IGF2BP2: variants seen among roughly 807,000 people sequenced by gnomAD.
IGF2BP2 encodes the protein insulin like growth factor 2 mRNA binding protein 2.
IGF2BP2 carries 17 observed loss-of-function variants against 75.8 expected under a neutral mutation model. The ratio of observed to expected loss-of-function variants is 0.22; its 90% CI spans 0.15 to 0.34. IGF2BP2 has a LOEUF of 0.34. Among genes scored for constraint, IGF2BP2 ranks in the 10% least tolerant of loss-of-function variants. IGF2BP2 has a pLI of 1.00. For missense variants in IGF2BP2, 516 were observed against 772.4 expected (o/e 0.67, Z 3.93); for synonymous variants, 288 against 295.6 (o/e 0.97, Z 0.26).
chr3:185,740,860 A>G (rs1320703830), intron 2 of IGF2BP2, among the ~76,000 whole-genome samples: 3 of 152,060 alleles, frequency 2.0e-5, no homozygotes, highest in East Asian at 1.9e-4. Context: ...ATGTTTGCAT[A>G]TTTTCTTTTT....
chr3:185,656,571 C>T (rs1450016389), intron 12 of IGF2BP2, among the ~76,000 whole-genome samples: 1 of 152,218 alleles, frequency 6.6e-6, no homozygotes, highest in Non-Finnish European at 1.5e-5. Context: ...ACAACAAAAA[C>T]TCTGTTTCCG....
At chr3:185,653,899 G>C (rs982233875) in intron 12 of IGF2BP2, among the ~76,000 whole-genome samples, 9 of 152,184 alleles carry the variant, frequency 5.9e-5, no homozygotes, top group Non-Finnish European at 1.2e-4. Context: ...CCTCGGTGTT[G>C]CATTTGTGCA....
intron 12 of IGF2BP2, among the ~76,000 whole-genome samples, chr3:185,654,784 A>G (rs1715163135): frequency 6.6e-6 from 1 of 152,210 alleles, no homozygotes; most frequent in African/African-American, 2.4e-5. Flanking sequence ...ATTAGGTGTC[A>G]CTGGCTGAAT....
At chr3:185,653,295 A>C (rs1420713860) in intron 12 of IGF2BP2, among the ~76,000 whole-genome samples, 3 of 152,186 alleles carry the variant, frequency 2.0e-5, no homozygotes, top group Non-Finnish European at 2.9e-5. Flanking sequence ...AAAACTTATT[A>C]ACACATTGTA....
At chr3:185,659,472 T>G (rs1238785144) in intron 10 of IGF2BP2, among the ~76,000 whole-genome samples, 3 of 151,444 alleles carry the variant, frequency 2.0e-5, no homozygotes, top group Non-Finnish European at 4.4e-5. Flanking sequence ...CCCCGCAGGT[T>G]CAAGCGATTC....
chr3:185,799,906 G>C (rs1737976097), intron 2 of IGF2BP2, among the ~76,000 whole-genome samples: 1 of 152,220 alleles, frequency 6.6e-6, no homozygotes, highest in Admixed American at 6.5e-5. Flanking sequence ...AATGCCATTT[G>C]ACCCAGCAAT....
chr3:185,722,388 G>T (rs576596776), intron 2 of IGF2BP2: 8 of 393,044 alleles, frequency 2.0e-5, no homozygotes, highest in African/African-American at 8.5e-5. Context: ...AACAAGAACT[G>T]AATCACGCTT....
At chr3:185,753,455 C>A (rs1393961317) in intron 2 of IGF2BP2, among the ~76,000 whole-genome samples, 1 of 152,058 alleles carries the variant, frequency 6.6e-6, no homozygotes, top group Non-Finnish European at 1.5e-5. Flanking sequence ...ACTCATATAT[C>A]CCTGTGAAAT....
At chr3:185,820,686 A>G (rs1014312657) in intron 2 of IGF2BP2, among the ~76,000 whole-genome samples, 1 of 152,164 alleles carries the variant, frequency 6.6e-6, no homozygotes, top group Non-Finnish European at 1.5e-5. Flanking sequence ...ATTTCATAAG[A>G]TAAAAACATC....
At chr3:185,685,181 C>G (rs1306704199) in intron 7 of IGF2BP2, among the ~76,000 whole-genome samples, 1 of 152,068 alleles carries the variant, frequency 6.6e-6, no homozygotes, top group Admixed American at 6.6e-5. Context: ...AACCCTGTCT[C>G]TACTAAAATT....
chr3:185,644,402 T>C lies in IGF2BP2; in HGVS notation c.*1129A>G, dbSNP rs1332860742. ...CAAAAAGACAAAATACATTCTTTCA[T>C]TGTGGAATTTTTTCTTTGTTTGGTT... On this transcript the variant is annotated 3_prime_UTR_variant, in exon 16 of 16. Coordinates refer to ENST00000382199, the MANE Select transcript of IGF2BP2 (RefSeq NM_006548.6). The C allele has an allele frequency of 1.3e-5, 2 of 152,466 alleles. No individual in the cohort carries two copies. The highest frequency in any genetic ancestry group is 2.4e-5 in the African/African-American group (1 of 41,410). The allele number at this position is 152,466 out of a possible 1,614,324, so 9.4% of individuals were successfully genotyped here. A position where few individuals can be genotyped will look rare whatever the true frequency, so the allele number is the denominator to read the frequency against.
chr3:185,676,332 G>A (rs1577924939), intron 7 of IGF2BP2, among the ~76,000 whole-genome samples: 1 of 152,244 alleles, frequency 6.6e-6, no homozygotes, highest in African/African-American at 2.4e-5. Context: ...ACCTCTGTGA[G>A]AACTCTAAAG....
chr3:185,783,253 C>T (rs542080603), intron 2 of IGF2BP2, among the ~76,000 whole-genome samples: 1 of 152,302 alleles, frequency 6.6e-6, no homozygotes, highest in African/African-American at 2.4e-5. Context: ...AACATCTGGA[C>T]TCTTACTGAA....
chr3:185,814,781 G>A lies in IGF2BP2; in HGVS notation c.239+8372C>T, dbSNP rs573604261. ...TACTAAACCAAAAAAGTAACAAAATGCATGAGATAAAAGTAACAAATGCAT... is the reference window on the plus strand; with the variant it reads ...TACTAAACCAAAAAAGTAACAAAATACATGAGATAAAAGTAACAAATGCAT... On this transcript the variant is annotated intron_variant, in intron 2 of 15. Coordinates refer to ENST00000382199, the MANE Select transcript of IGF2BP2 (RefSeq NM_006548.6). 1.1e-4 allele frequency among the ~76,000 whole-genome samples: 16 copies of A among 152,174 alleles called. 1 individual carries two copies. The South Asian group carries it at 3.3e-3, about 32-fold the overall frequency.
chr3:185,768,336 G>A (rs1042792610), intron 2 of IGF2BP2, among the ~76,000 whole-genome samples: 11 of 152,244 alleles, frequency 7.2e-5, no homozygotes, highest in Middle Eastern at 3.4e-3. Flanking sequence ...TGGGCGACAT[G>A]AGTATGTAGT....
chr3:185,665,278 GAGAAGA>G (rs1336031963), intron 10 of IGF2BP2, among the ~76,000 whole-genome samples: 1 of 123,382 alleles, frequency 8.1e-6, no homozygotes, highest in African/African-American at 3.1e-5. Context: ...GGAGGAGAAG[GAGAAGA>G]AGAAGAAGGA....
At chr3:185,733,228 A>C (rs928306680) in intron 2 of IGF2BP2, among the ~76,000 whole-genome samples, 3 of 152,346 alleles carry the variant, frequency 2.0e-5, no homozygotes, top group African/African-American at 4.8e-5. Context: ...GAAAATGTAA[A>C]GTGATTGATA....
intron 2 of IGF2BP2, among the ~76,000 whole-genome samples, chr3:185,821,853 A>G (rs2150070008): frequency 6.6e-6 from 1 of 152,276 alleles, no homozygotes; most frequent in Non-Finnish European, 1.5e-5. Flanking sequence ...GGATTTCTCA[A>G]GCAAAAAATA....
chr3:185,689,716 C>T, intron 5 of IGF2BP2, 89 bp from the exon 6 acceptor site: 1 of 1,497,128 alleles, frequency 6.7e-7, no homozygotes. Flanking sequence ...CGCCTGTAAT[C>T]CCAGCACTTT....
Sources: gnomAD v4.1 joint callset for allele counts (sites outside exome capture counted in the v4.1 genomes callset) on GRCh38, gnomAD v4.1.1 for gene constraint, MANE v1.5 for transcripts, NCBI Gene and HGNC (gene_info 2026-07-23, HGNC 2026-07-21) for gene names.